ASPRV1: variants seen among roughly 807,000 people sequenced by gnomAD.
The protein encoded by ASPRV1 is aspartic peptidase retroviral like 1, also known as retroviral-like aspartic protease 1.
Under a neutral mutation model 11.0 loss-of-function variants are expected in ASPRV1, and 7 were observed. The ratio of observed to expected loss-of-function variants is 0.64; its 90% CI spans 0.36 to 1.20. ASPRV1 has a LOEUF of 1.20. Among genes scored for constraint, ASPRV1 ranks in the 50% most tolerant of loss-of-function variants. The probability of loss-of-function intolerance (pLI) is 0.02; values close to 1 mark genes in which losing one functional copy is unlikely to be tolerated. For synonymous variants in ASPRV1, 136 were observed against 138.4 expected, an observed-to-expected ratio of 0.98 and a Z score of 0.12; for missense variants, 299 against 320.0, an observed-to-expected ratio of 0.93 and a Z score of 0.50.
chr2:70,014,355 G>A, the ASPRV1 span, among the ~76,000 whole-genome samples: 1 of 151,948 alleles, frequency 6.6e-6, no homozygotes, highest in African/African-American at 2.4e-5. Flanking sequence ...AAAGGGCAAA[G>A]GAATTGAACA....
the ASPRV1 span, among the ~76,000 whole-genome samples, chr2:70,017,599 CT>C: frequency 6.6e-6 from 1 of 152,174 alleles, no homozygotes; most frequent in Non-Finnish European, 1.5e-5. Flanking sequence ...GTTAAATTGT[CT>C]GTCTGTTGAT....
At chr2:70,042,233 C>A in the ASPRV1 span, among the ~76,000 whole-genome samples, 5 of 152,130 alleles carry the variant, frequency 3.3e-5, no homozygotes, top group African/African-American at 1.2e-4. Context: ...AAATCCAGGG[C>A]AAGAGCTCAA....
the ASPRV1 span, among the ~76,000 whole-genome samples, chr2:70,006,702 T>A: frequency 6.6e-6 from 1 of 152,162 alleles, no homozygotes; most frequent in African/African-American, 2.4e-5. Context: ...AGCCCCTCTG[T>A]TCTCAGGAAG....
chr2:70,041,931 G>A, the ASPRV1 span, among the ~76,000 whole-genome samples: 1 of 152,156 alleles, frequency 6.6e-6, no homozygotes, highest in Non-Finnish European at 1.5e-5. Flanking sequence ...ACAGGAAATA[G>A]TGATTACTAC....
the ASPRV1 span, among the ~76,000 whole-genome samples, chr2:70,018,587 AG>A: frequency 3.3e-5 from 5 of 152,188 alleles, no homozygotes; most frequent in African/African-American, 1.2e-4. Flanking sequence ...CATAGACTAA[AG>A]GAACAAAATA....
chr2:70,039,657 T>G, the ASPRV1 span, among the ~76,000 whole-genome samples: 4 of 152,290 alleles, frequency 2.6e-5, no homozygotes, highest in South Asian at 8.3e-4. Flanking sequence ...TTCTCCATTC[T>G]GCATGCTCCT....
chr2:69,963,513 A>G (rs1305845264), upstream of ASPRV1: 1 of 447,842 alleles, frequency 2.2e-6, no homozygotes. Context: ...GGAAGTGGAA[A>G]TGAGTGAGGA....
chr2:69,953,438 G>A, the ASPRV1 span, among the ~76,000 whole-genome samples: 4 of 152,214 alleles, frequency 2.6e-5, no homozygotes, highest in East Asian at 1.9e-4. Flanking sequence ...CCTTGTGCCC[G>A]TGCATGGCAC....
the ASPRV1 span, chr2:70,031,556 G>C: frequency 6.6e-6 from 1 of 152,280 alleles, no homozygotes; most frequent in Non-Finnish European, 1.5e-5. Context: ...AATTAGCTGG[G>C]AGTGGTGGTG....
chr2:70,067,267 CT>C, the ASPRV1 span, among the ~76,000 whole-genome samples: 2,700 of 152,214 alleles, frequency 0.018, 97 homozygotes, highest in African/African-American at 0.061. Flanking sequence ...GGGTTTGGGG[CT>C]TTAGCCGCTG....
the ASPRV1 span, among the ~76,000 whole-genome samples, chr2:69,972,547 G>A: frequency 9.2e-5 from 14 of 151,806 alleles, no homozygotes; most frequent in Admixed American, 2.6e-4. Context: ...TAGTAGAGAC[G>A]GGGTTTCACC....
the ASPRV1 span, among the ~76,000 whole-genome samples, chr2:69,953,740 C>T: frequency 3.3e-5 from 5 of 151,988 alleles, no homozygotes; most frequent in African/African-American, 1.2e-4. Flanking sequence ...GCAAGTCTCA[C>T]TCTGTTGCCC....
the ASPRV1 span, among the ~76,000 whole-genome samples, chr2:69,948,134 C>G: frequency 6.6e-6 from 1 of 151,918 alleles, no homozygotes; most frequent in Non-Finnish European, 1.5e-5. Flanking sequence ...GTGGTCCCAG[C>G]TACCTGGGAG....
the ASPRV1 span, among the ~76,000 whole-genome samples, chr2:70,029,190 T>C: frequency 1.3e-5 from 2 of 151,978 alleles, no homozygotes; most frequent in Non-Finnish European, 2.9e-5. Flanking sequence ...GGCAGGGAAG[T>C]GGCAGGTAAT....
the ASPRV1 span, among the ~76,000 whole-genome samples, chr2:69,985,155 C>T: frequency 2.6e-5 from 4 of 152,240 alleles, no homozygotes; most frequent in South Asian, 8.3e-4. Context: ...GGCGCCCGGC[C>T]CAGGTCCAGC....
At chr2:69,965,594 A>G (rs1678313878), upstream of ASPRV1, among the ~76,000 whole-genome samples, 1 of 152,192 alleles carries the variant, frequency 6.6e-6, no homozygotes, top group Non-Finnish European at 1.5e-5. Flanking sequence ...CCCAGAACAC[A>G]GTGGCAGCTT....
At chr2:70,053,039 A>G in the ASPRV1 span, among the ~76,000 whole-genome samples, 1 of 152,150 alleles carries the variant, frequency 6.6e-6, no homozygotes, top group Admixed American at 6.5e-5. Flanking sequence ...GCCTGTACTC[A>G]TAAGCTATCC....
At chr2:69,938,598 G>A in the ASPRV1 span, 14 of 250,616 alleles carry the variant, frequency 5.6e-5, no homozygotes, top group Middle Eastern at 1.3e-3. Flanking sequence ...TGCTCTCCTC[G>A]TGTCCTCTCC....
At chr2:70,038,617 T>C in the ASPRV1 span, among the ~76,000 whole-genome samples, 4 of 152,172 alleles carry the variant, frequency 2.6e-5, no homozygotes, top group African/African-American at 9.7e-5. Flanking sequence ...AAGCTCTTTA[T>C]TCCCCCTTGG....
Sources: allele counts gnomAD v4.1 joint callset (sites outside exome capture counted in the v4.1 genomes callset), GRCh38; gene constraint gnomAD v4.1.1; transcripts MANE v1.5; gene names NCBI Gene and HGNC (gene_info 2026-07-23, HGNC 2026-07-21).